Variants in RADIL observed in about 807,000 individuals in gnomAD.
RADIL encodes Rap associating with DIL domain.
Under a neutral mutation model 97.6 loss-of-function variants are expected in RADIL, and 99 were observed. That is an observed-to-expected ratio of 1.01 (90% CI 0.86 to 1.20). The LOEUF (loss-of-function observed/expected upper bound fraction) is 1.20, where lower values mean the gene tolerates loss of function less well. RADIL is among the 50% of genes most tolerant of loss of function. The pLI, the probability that RADIL is intolerant of heterozygous loss-of-function variation, is 0.00. For missense variants in RADIL, 1,765 were observed against 1,498.9 expected (o/e 1.18, Z -2.93); for synonymous variants, 803 against 691.8 (o/e 1.16, Z -2.52).
intron 5 of RADIL, among the ~76,000 whole-genome samples, chr7:4,830,902 TC>T (rs1158875255): frequency 6.6e-6 from 1 of 151,772 alleles, no homozygotes; most frequent in East Asian, 1.9e-4. Context: ...GCGCCTGTAG[TC>T]CCAGCTACTC....
chr7:4,798,137 C>CCATA lies in RADIL; in HGVS notation c.*1240_*1241insTATG, dbSNP rs1554259992. 992 of 146,640 alleles carry CCATA rather than the reference C, an allele frequency of 6.8e-3. 11 individuals carry two copies. Among genetic ancestry groups the CCATA allele is most frequent in the African/African-American group, 0.023 (929 of 40,364 alleles). The allele number at this position is 146,640 out of a possible 1,614,324, so 9.1% of individuals were successfully genotyped here. A position where few individuals can be genotyped will look rare whatever the true frequency, so the allele number is the denominator to read the frequency against. On this transcript the variant is annotated 3_prime_UTR_variant, in exon 15 of 15. Transcript: ENST00000399583. ...CATATCTTAAATATATATACAAACACTATATATATATATATATTTTATCCA... is the reference window on the plus strand; with the variant it reads ...CATATCTTAAATATATATACAAACACCATATATATATATATATATATTTTATCCA...
Position 4,878,197 on chromosome 7 carries a change from C to A in RADIL, c.-58G>T. 1.4e-6 allele frequency: 2 copies of A among 1,449,778 alleles called. No individual in the cohort carries two copies. The highest frequency in any genetic ancestry group is 1.4e-5 in the South Asian group (1 of 71,460). 89.8% of individuals were successfully genotyped at this position (1,449,778 alleles called of 1,614,324 possible). On this transcript the variant is annotated 5_prime_UTR_variant, in exon 2 of 15. Transcript: ENST00000399583. This position sits in a 1 kb window ranked among gnomAD's most constrained non-coding sequence, Gnocchi z 4.1. The stretch of plus-strand genomic sequence containing the variant: ...GCTTCAGCCAAAGGATGTGGGGAGG[C>A]CGTGACCTGGGTGAAAAAGTGAGAG...
At chr7:4,805,744 A>G in intron 9 of RADIL, 28 bp from the exon 10 acceptor site, 1 of 1,596,090 alleles carries the variant, frequency 6.3e-7, no homozygotes, top group African/African-American at 1.3e-5. Flanking sequence ...GCTCATGGTC[A>G]CAGGTCTCTG....
Position 4,821,940 on chromosome 7 carries a change from AC to A in RADIL, c.1615+453del, listed in dbSNP as rs567953620. Among the ~76,000 whole-genome samples the A allele has an allele frequency of 1.2e-4, 18 of 152,236 alleles. No homozygotes were observed. Among genetic ancestry groups the A allele is most frequent in the Admixed American group, 1.2e-3 (18 of 15,286 alleles). The stretch of plus-strand genomic sequence containing the variant: ...CATAATCTACAATTTCACAACAATG[AC>A]TGGCAACATCTGTCCTTCTGGAATA... On this transcript the variant is annotated intron_variant, in intron 6 of 14. Coordinates refer to ENST00000399583, the MANE Select transcript of RADIL (RefSeq NM_018059.5). This position sits in a 1 kb window ranked among gnomAD's most constrained non-coding sequence, Gnocchi z 5.2.
chr7:4,836,756 A>T lies in RADIL; in HGVS notation c.536-151T>A, dbSNP rs3763382. The T allele has an allele frequency of 3.4e-5, 33 of 957,284 alleles. 1 individual carries two copies. The South Asian group carries it at 4.9e-4, about 14-fold the overall frequency. The allele number at this position is 957,284 out of a possible 1,614,324, so 59.3% of individuals were successfully genotyped here. A position where few individuals can be genotyped will look rare whatever the true frequency, so the allele number is the denominator to read the frequency against. On this transcript the variant is annotated intron_variant, in intron 2 of 14. Coordinates refer to ENST00000399583, the MANE Select transcript of RADIL (RefSeq NM_018059.5). ...AGCTCGAGACCAGCCTGGCCAACAC[A>T]GTGAAACCCCATTTCTACTAAAAAT...
In RADIL at chr7:4,802,872, G is replaced by A. The variant is rs539230851; in HGVS notation, c.2499+674C>T. On this transcript the variant is annotated intron_variant, in intron 11 of 14. Transcript: ENST00000399583. Reference sequence around the variant, plus strand: ...CTGGACCCCCTCCCCGGGCACCTCGGGGCACTCTGGCTGGGGGGCCCCCTC... The same window carrying A: ...CTGGACCCCCTCCCCGGGCACCTCGAGGCACTCTGGCTGGGGGGCCCCCTC... Among the ~76,000 whole-genome samples, 8 of 110,264 alleles carry A rather than the reference G, an allele frequency of 7.3e-5. No homozygotes were observed. The East Asian group carries it at 2.0e-3, about 28-fold the overall frequency. The allele number at this position is 110,264 out of a possible 152,430, so 72.3% of individuals were successfully genotyped here.
Position 4,799,432 on chromosome 7 carries a change from C to T in RADIL, c.3174G>A (p.Ala1058=), listed in dbSNP as rs377481818. The T allele has an allele frequency of 2.4e-4, 392 of 1,613,796 alleles. 2 individuals carry two copies. In the African/African-American group the frequency reaches 3.0e-3, roughly 12 times the overall value. ...HGGKKMRFLV[A]KSDVETAKKI... ...TCTTGGCTGTTTCCACGTCGGACTTCGCGACCAGGAACCGCATCTTCTTCC... is the reference window on the plus strand; with the variant it reads ...TCTTGGCTGTTTCCACGTCGGACTTTGCGACCAGGAACCGCATCTTCTTCC... Residue 1058 remains alanine, a synonymous_variant, in exon 15 of 15, where the codon GCG becomes GCA. Transcript: ENST00000399583.
chr7:4,857,941 G>A (rs1162702276), intron 2 of RADIL: 1 of 152,570 alleles, frequency 6.6e-6, no homozygotes, highest in Non-Finnish European at 1.5e-5. Flanking sequence ...TGGTAAAACA[G>A]ACACAGTTAC....
intron 5 of RADIL, among the ~76,000 whole-genome samples, chr7:4,830,157 C>A (rs1473139704): frequency 1.3e-5 from 2 of 152,158 alleles, no homozygotes; most frequent in Non-Finnish European, 2.9e-5. Context: ...GGGCATTTAA[C>A]CATATCACAG....
Position 4,816,304 on chromosome 7 carries a change from G to A in RADIL, c.1890C>T (p.Pro630=), listed in dbSNP as rs754497440. Residue 630 remains proline (P), a synonymous_variant, in exon 8 of 15, where the codon CCC becomes CCT. Coordinates refer to ENST00000399583, the MANE Select transcript of RADIL (RefSeq NM_018059.5). ...LDLLRQLQVH[P]EVASQMLAYL... ...AGGCGAGCATCTGCGAGGCCACCTC[G>A]GGGTGCACCTGCAGCTGCCGCAGGA... 7.4e-6 allele frequency: 12 copies of A among 1,612,442 alleles called. No individual in the cohort carries two copies. The highest frequency in any genetic ancestry group is 4.5e-5 in the East Asian group (2 of 44,860).
intron 2 of RADIL, among the ~76,000 whole-genome samples, chr7:4,863,287 T>C (rs1307140076): frequency 6.6e-6 from 1 of 152,252 alleles, no homozygotes; most frequent in African/African-American, 2.4e-5. Flanking sequence ...TTTTTCCCCC[T>C]ACCTTTTATT....
At chr7:4,809,937 C>T (rs1782491367) in intron 9 of RADIL, among the ~76,000 whole-genome samples, 1 of 151,966 alleles carries the variant, frequency 6.6e-6, no homozygotes, top group Non-Finnish European at 1.5e-5. Context: ...ACTGCCAGCT[C>T]CATCTCCCGG....
intron 12 of RADIL, among the ~76,000 whole-genome samples, chr7:4,801,137 CAG>C (rs1483475696): frequency 1.3e-5 from 2 of 151,220 alleles, no homozygotes; most frequent in Admixed American, 6.6e-5. Flanking sequence ...CACACCCATG[CAG>C]AGATGCACAC....
chr7:4,845,445 A>G (rs1394710889), intron 2 of RADIL, among the ~76,000 whole-genome samples: 1 of 152,208 alleles, frequency 6.6e-6, no homozygotes, highest in Non-Finnish European at 1.5e-5. Context: ...AAATGAAGGC[A>G]TATTCTGAGA....
At chr7:4,828,198 C>G (rs982632121) in intron 5 of RADIL, among the ~76,000 whole-genome samples, 8 of 152,258 alleles carry the variant, frequency 5.3e-5, no homozygotes, top group Non-Finnish European at 8.8e-5. Context: ...TGGCTTACGC[C>G]TGTAATCCCA....
intron 12 of RADIL, among the ~76,000 whole-genome samples, chr7:4,800,936 C>T (rs1782062760): frequency 6.6e-6 from 1 of 152,216 alleles, no homozygotes; most frequent in African/African-American, 2.4e-5. Context: ...CAAGGCACAC[C>T]CAAGCCCCTC....
Position 4,815,217 on chromosome 7 carries a change from G to C in RADIL, c.2139+61C>G. 6.9e-7 allele frequency: 1 copy of C among 1,448,694 alleles called. No individual in the cohort carries two copies. The highest frequency in any genetic ancestry group is 1.4e-5 in the South Asian group (1 of 71,322). The allele number at this position is 1,448,694 out of a possible 1,614,324, so 89.7% of individuals were successfully genotyped here. ...CCCCCAGGCTTGGTTTGTGAGCCAG[G>C]GACCCACAGCATGTGGCCCCGCCCC... On this transcript the variant is annotated intron_variant, in intron 9 of 14. Coordinates refer to ENST00000399583, the MANE Select transcript of RADIL (RefSeq NM_018059.5). This position sits in a 1 kb window ranked among gnomAD's most constrained non-coding sequence, Gnocchi z 8.0.
chr7:4,865,372 G>C (rs1222609678), intron 2 of RADIL: 3 of 577,768 alleles, frequency 5.2e-6, no homozygotes, highest in Non-Finnish European at 9.5e-6. Context: ...GTTTTTTTTT[G>C]TTGTTGTTCC....
At position 4,821,810 on chromosome 7, in the gene RADIL, C is replaced by T. The variant is rs1782840736; in HGVS notation, c.1615+584G>A. ...GACGGAGCTTGCAGTGAGCCAAGAT[C>T]GCACCATTGCACTCCAGCCTGGGTG... is the stretch of plus-strand genomic sequence containing the variant. On this transcript the variant is annotated intron_variant, in intron 6 of 14. Transcript: ENST00000399583. This position sits in a 1 kb window ranked among gnomAD's most constrained non-coding sequence, Gnocchi z 5.2. Among the ~76,000 whole-genome samples the T allele has an allele frequency of 6.6e-6, 1 of 152,086 alleles. No homozygotes were observed. The highest frequency in any genetic ancestry group is 1.5e-5 in the Non-Finnish European group (1 of 68,012).
Sources: gnomAD v4.1 joint callset for allele counts (sites outside exome capture counted in the v4.1 genomes callset) on GRCh38, gnomAD v4.1.1 for gene constraint, Gnocchi (gnomAD v3.1) non-coding constraint, MANE v1.5 for transcripts, NCBI Gene and HGNC (gene_info 2026-07-23, HGNC 2026-07-21) for gene names.